The following DAB1 variants were observed in gnomAD, a reference collection of about 807,000 sequenced individuals.
DAB1 encodes DAB adaptor protein 1.
A neutral mutation model predicts 64.6 loss-of-function variants in DAB1; 15 were observed. That is an observed-to-expected ratio of 0.23 (90% CI 0.16 to 0.36). The LOEUF (loss-of-function observed/expected upper bound fraction) is 0.36. Ranked by LOEUF, DAB1 falls within the 10% of genes least tolerant of loss-of-function variation. The pLI is 1.00. For synonymous variants in DAB1, 235 were observed against 251.9 expected (o/e 0.93, Z 0.64); for missense variants, 596 against 706.7 (o/e 0.84, Z 1.78).
chr1:57,207,617 G>A (rs2100311934), intron 2 of DAB1, among the ~76,000 whole-genome samples: 1 of 149,542 alleles, frequency 6.7e-6, no homozygotes, highest in South Asian at 2.1e-4. Flanking sequence ...CTAATTTTTT[G>A]TATTTTTAGT....
intron 8 of DAB1, among the ~76,000 whole-genome samples, chr1:57,066,778 C>T (rs1650955839): frequency 6.6e-6 from 1 of 152,216 alleles, no homozygotes; most frequent in African/African-American, 2.4e-5. Context: ...TACGTTTTCA[C>T]ATCACTGCTA....
intron 5 of DAB1, among the ~76,000 whole-genome samples, chr1:57,985,492 C>T (rs1242984431): frequency 6.6e-6 from 1 of 152,128 alleles, no homozygotes; most frequent in Non-Finnish European, 1.5e-5. Context: ...TTAACACCAA[C>T]TTCTGTGCCT....
chr1:57,233,605 A>G (rs556094097), intron 2 of DAB1, among the ~76,000 whole-genome samples: 250 of 151,594 alleles, frequency 1.6e-3, no homozygotes, highest in Non-Finnish European at 3.2e-3. Flanking sequence ...CTAAAAATAC[A>G]AATATTAGCT....
chr1:57,400,431 C>T (rs566543011), intron 1 of DAB1, among the ~76,000 whole-genome samples: 15 of 152,094 alleles, frequency 9.9e-5, no homozygotes, highest in Non-Finnish European at 2.1e-4. Flanking sequence ...GAGGTACCTG[C>T]CTGTCCATAA....
chr1:57,517,869 G>T (rs1295079177), intron 7 of DAB1, among the ~76,000 whole-genome samples: 1 of 152,016 alleles, frequency 6.6e-6, no homozygotes, highest in African/African-American at 2.4e-5. Flanking sequence ...CTGAAACATC[G>T]ACTCTAAGAG....
chr1:57,160,906 T>A (rs1407905112), intron 2 of DAB1, among the ~76,000 whole-genome samples: 1 of 152,144 alleles, frequency 6.6e-6, no homozygotes, highest in Non-Finnish European at 1.5e-5. Flanking sequence ...CCAGGCCCCA[T>A]GTCTCAGTTT....
intron 3 of DAB1, among the ~76,000 whole-genome samples, chr1:58,372,042 G>C (rs571491964): frequency 2.6e-5 from 4 of 152,336 alleles, no homozygotes; most frequent in Non-Finnish European, 5.9e-5. Context: ...CTGGGGCACT[G>C]CCTAGTGGAG....
intron 1 of DAB1, among the ~76,000 whole-genome samples, chr1:57,855,222 C>T (rs74074540): frequency 1.3e-5 from 2 of 152,082 alleles, no homozygotes; most frequent in African/African-American, 4.8e-5. Context: ...CAAGAAGTAA[C>T]CAATTCTCAA....
intron 1 of DAB1, among the ~76,000 whole-genome samples, chr1:58,528,995 A>AT (rs1474209772): frequency 6.6e-6 from 1 of 152,248 alleles, no homozygotes; most frequent in Non-Finnish European, 1.5e-5. Flanking sequence ...TGATTCCATT[A>AT]TAAAAAAAAG....
At position 57,201,026 on chromosome 1, in the gene DAB1, C is replaced by A. The variant is rs1847538; in HGVS notation, c.68-55597G>T. On this transcript the variant is annotated intron_variant, in intron 2 of 14. Transcript: ENST00000371236. ...TGAGGCAGCATTCACTGTGAGAGAA[C>A]CATTGGGCTTGATGCATTACATACA... 5.1e-4 allele frequency among the ~76,000 whole-genome samples: 77 copies of A among 152,208 alleles called. 1 individual carries two copies. In the East Asian group the frequency reaches 0.014, roughly 27 times the overall value.
intron 5 of DAB1, among the ~76,000 whole-genome samples, chr1:58,086,979 G>A (rs1650358209): frequency 6.6e-6 from 1 of 152,106 alleles, no homozygotes; most frequent in Admixed American, 6.5e-5. Flanking sequence ...CGGCAAGCTA[G>A]AGTGCAAAGA....
intron 7 of DAB1, among the ~76,000 whole-genome samples, chr1:57,507,834 T>A (rs1024416074): frequency 3.3e-5 from 5 of 152,184 alleles, no homozygotes; most frequent in African/African-American, 1.2e-4. Flanking sequence ...CTTCACTCCT[T>A]TTCCCTGCCT....
intron 3 of DAB1, among the ~76,000 whole-genome samples, chr1:58,503,305 C>T (rs1645937117): frequency 1.3e-5 from 2 of 152,176 alleles, no homozygotes. Flanking sequence ...AAAGGACCCT[C>T]TTATAGTCAG....
intron 1 of DAB1, among the ~76,000 whole-genome samples, chr1:57,877,255 C>A (rs1406565360): frequency 6.6e-6 from 1 of 152,166 alleles, no homozygotes; most frequent in East Asian, 1.9e-4. Context: ...TTAATCAGTT[C>A]AGTTGCCTAG....
At chr1:57,581,378 T>C (rs1016670560) in intron 7 of DAB1, among the ~76,000 whole-genome samples, 1 of 152,216 alleles carries the variant, frequency 6.6e-6, no homozygotes, top group Non-Finnish European at 1.5e-5. Flanking sequence ...GAGTGGGCTG[T>C]GCTGGATATT....
chr1:57,189,565 C>T (rs763734641), intron 2 of DAB1, among the ~76,000 whole-genome samples: 6 of 152,132 alleles, frequency 3.9e-5, no homozygotes, highest in Non-Finnish European at 7.4e-5. Flanking sequence ...CAAGCCCTTA[C>T]CACCTGCTTT....
intron 1 of DAB1, among the ~76,000 whole-genome samples, chr1:57,422,548 G>C (rs116467467): frequency 1.1e-4 from 17 of 152,054 alleles, no homozygotes; most frequent in African/African-American, 3.9e-4. Context: ...CATACACACC[G>C]GAGCGCACAG....
At chr1:57,308,524 T>A (rs1281408701) in intron 1 of DAB1, among the ~76,000 whole-genome samples, 1 of 152,052 alleles carries the variant, frequency 6.6e-6, no homozygotes, top group Non-Finnish European at 1.5e-5. Flanking sequence ...TAAAAAAAAA[T>A]TCAAAAAGGA....
chr1:57,834,628 C>T (rs1261345162), intron 1 of DAB1, among the ~76,000 whole-genome samples: 1 of 151,288 alleles, frequency 6.6e-6, no homozygotes, highest in Non-Finnish European at 1.5e-5. Flanking sequence ...TATATACATA[C>T]ACAGTTTTAT....
Sources: allele counts gnomAD v4.1 joint callset (sites outside exome capture counted in the v4.1 genomes callset), GRCh38; gene constraint gnomAD v4.1.1; transcripts MANE v1.5; gene names NCBI Gene and HGNC (gene_info 2026-07-23, HGNC 2026-07-21).